The following TRIO variants were observed in gnomAD, a reference collection of about 807,000 sequenced individuals.
TRIO encodes the protein triple functional domain protein.
In TRIO, 58 loss-of-function variants were observed where a neutral mutation model predicts 351.9. The observed-to-expected ratio is 0.16, with a 90% confidence interval of 0.13 to 0.21. The LOEUF (loss-of-function observed/expected upper bound fraction) is 0.21. Among genes scored for constraint, TRIO ranks in the 10% least tolerant of loss-of-function variants. TRIO has a pLI of 1.00. For missense variants in TRIO, 3,201 were observed against 4,027.8 expected (o/e 0.79, Z 5.56); for synonymous variants, 1,758 against 1,595.7 (o/e 1.10, Z -2.42).
chr5:14,248,620 G>A (rs897726), intron 1 of TRIO, among the ~76,000 whole-genome samples: 112,529 of 152,046 alleles, frequency 0.74, 42,546 homozygotes, highest in East Asian at 0.98. Context: ...CCTTGCAAGC[G>A]CCGTCCACAC....
intron 9 of TRIO, among the ~76,000 whole-genome samples, chr5:14,327,387 C>T (rs1740483940): frequency 6.6e-6 from 1 of 152,204 alleles, no homozygotes; most frequent in African/African-American, 2.4e-5. Context: ...GGGTCTCAAA[C>T]TCCTGACCTC....
intron 1 of TRIO, among the ~76,000 whole-genome samples, chr5:14,149,496 C>T (rs988127413): frequency 6.6e-6 from 1 of 152,158 alleles, no homozygotes. Context: ...CCCCTTGAAA[C>T]CCAAATTACT....
intron 9 of TRIO, among the ~76,000 whole-genome samples, chr5:14,317,075 T>C (rs547782128): frequency 6.6e-6 from 1 of 152,336 alleles, no homozygotes; most frequent in East Asian, 1.9e-4. Flanking sequence ...TAGTTAACAC[T>C]TGTCTGCTTT....
At chr5:14,369,266 C>T in intron 17 of TRIO, 108 bp from the exon 18 acceptor site, 1 of 1,452,576 alleles carries the variant, frequency 6.9e-7, no homozygotes. Context: ...GGTCTTGATC[C>T]TCCTGACAGC....
chr5:14,328,158 G>A (rs762134957), intron 9 of TRIO, among the ~76,000 whole-genome samples: 23 of 151,958 alleles, frequency 1.5e-4, no homozygotes, highest in Non-Finnish European at 3.2e-4. Context: ...CGCCCAATAC[G>A]CTAGTTAAAA....
intron 1 of TRIO, among the ~76,000 whole-genome samples, chr5:14,234,287 G>A (rs1383394280): frequency 6.6e-6 from 1 of 152,204 alleles, no homozygotes; most frequent in African/African-American, 2.4e-5. Context: ...TGGACAAGCT[G>A]GGCAGTGGAT....
intron 1 of TRIO, among the ~76,000 whole-genome samples, chr5:14,203,753 A>C (rs1382574226): frequency 6.6e-6 from 1 of 151,240 alleles, no homozygotes; most frequent in Non-Finnish European, 1.5e-5. Flanking sequence ...CCTGGCAGTC[A>C]CCTGCCCCTT....
intron 1 of TRIO, among the ~76,000 whole-genome samples, chr5:14,151,388 G>C (rs202101576): frequency 9.2e-5 from 2 of 21,656 alleles, no homozygotes; most frequent in Non-Finnish European, 2.2e-4. Flanking sequence ...GTGTGTGTTT[G>C]TGTGTGTGTG....
At chr5:14,313,139 T>TCTC (rs1425949690) in intron 8 of TRIO, among the ~76,000 whole-genome samples, 11 of 152,208 alleles carry the variant, frequency 7.2e-5, no homozygotes, top group African/African-American at 2.7e-4. Flanking sequence ...AGAGGTGTTA[T>TCTC]CTCGCCCAGG....
chr5:14,472,898 T>A (rs890279461), intron 39 of TRIO, among the ~76,000 whole-genome samples: 2 of 152,184 alleles, frequency 1.3e-5, no homozygotes, highest in African/African-American at 4.8e-5. Flanking sequence ...TTTTAACAGT[T>A]GAAATTTACA....
chr5:14,436,414 G>A (rs1291810914), intron 34 of TRIO, among the ~76,000 whole-genome samples: 1 of 152,062 alleles, frequency 6.6e-6, no homozygotes, highest in East Asian at 1.9e-4. Flanking sequence ...GATGAGATTT[G>A]GGTGGGGACA....
intron 11 of TRIO, among the ~76,000 whole-genome samples, chr5:14,346,495 A>G (rs1370311979): frequency 6.6e-6 from 1 of 152,248 alleles, no homozygotes; most frequent in Non-Finnish European, 1.5e-5. Flanking sequence ...ACTGTGGGAA[A>G]GTGGGCTGAT....
chr5:14,476,110 C>T (rs561259971), intron 40 of TRIO, among the ~76,000 whole-genome samples: 1 of 152,296 alleles, frequency 6.6e-6, no homozygotes, highest in South Asian at 2.1e-4. Context: ...AAAGCTGGCA[C>T]AGGTAACATA....
chr5:14,498,239 G>A lies in TRIO; in HGVS notation c.8198G>A (p.Ser2733Asn). 1.9e-6 allele frequency: 3 copies of A among 1,614,226 alleles called. No homozygotes were observed. The highest frequency in any genetic ancestry group is 1.7e-6 in the Non-Finnish European group (2 of 1,180,042). The change falls in exon 52 of 57, where the codon AGC becomes AAC. Residue 2733 changes from serine (S) to asparagine (N), a missense_variant. Physicochemically the swap from Ser to Asn is conservative, Grantham distance 46. This residue lies in a region of TRIO where 1,089 missense variants were observed against 954.9 expected (regional missense o/e 1.14). Coordinates refer to ENST00000344204, the MANE Select transcript of TRIO (RefSeq NM_007118.4). ...ACCTTGAACAACGATGGTCACTACAGCATCTCCTACAGGTGAGGGAGGCCC... is the reference window on the plus strand; with the variant it reads ...ACCTTGAACAACGATGGTCACTACAACATCTCCTACAGGTGAGGGAGGCCC... ...HNTLNNDGHY[S>N]ISYSDLGEAT...
At chr5:14,468,885 A>G (rs1272837289) in intron 37 of TRIO, among the ~76,000 whole-genome samples, 1 of 152,096 alleles carries the variant, frequency 6.6e-6, no homozygotes, top group Non-Finnish European at 1.5e-5. Flanking sequence ...TGAGGATTTG[A>G]CTCGAAAAAT....
At chr5:14,447,520 C>G (rs949528484) in intron 34 of TRIO, among the ~76,000 whole-genome samples, 21 of 152,122 alleles carry the variant, frequency 1.4e-4, no homozygotes, top group African/African-American at 5.1e-4. Flanking sequence ...ATAGTTTAAA[C>G]CACTAATTGC....
chr5:14,312,273 G>A (rs1738997899), intron 8 of TRIO, among the ~76,000 whole-genome samples: 1 of 152,126 alleles, frequency 6.6e-6, no homozygotes, highest in African/African-American at 2.4e-5. Flanking sequence ...TCAAGAAGCA[G>A]CCCATTGTTC....
intron 13 of TRIO, among the ~76,000 whole-genome samples, chr5:14,362,203 A>C (rs1398736440): frequency 2.0e-5 from 3 of 152,204 alleles, no homozygotes; most frequent in African/African-American, 7.2e-5. Flanking sequence ...ATTCAGCATG[A>C]TTTTGCCAGA....
chr5:14,404,160 C>T lies in TRIO; in HGVS notation c.4717-1688C>T, dbSNP rs116339931. Among the ~76,000 whole-genome samples the T allele has an allele frequency of 8.7e-3, 1,322 of 151,760 alleles. 16 individuals carry two copies. The highest frequency in any genetic ancestry group is 0.03 in the African/African-American group (1,241 of 41,296). On this transcript the variant is annotated intron_variant, in intron 31 of 56. Transcript: ENST00000344204. ...TGTGTGTGCTTATGGTGGTAGAGAA[C>T]GTGATGGGAATGGTGGTAGTGGCGA...
Sources: gnomAD v4.1 joint callset for allele counts (sites outside exome capture counted in the v4.1 genomes callset) on GRCh38, gnomAD v4.1.1 for gene constraint, gnomAD v4.1.1 regional missense constraint, MANE v1.5 for transcripts, NCBI Gene and HGNC (gene_info 2026-07-23, HGNC 2026-07-21) for gene names.